PPM1E: variants seen among roughly 807,000 people sequenced by gnomAD.
PPM1E encodes the protein protein phosphatase, Mg2+/Mn2+ dependent 1E.
Under a neutral mutation model 65.9 loss-of-function variants are expected in PPM1E, and 20 were observed. The ratio of observed to expected loss-of-function variants is 0.30; its 90% CI spans 0.21 to 0.44. PPM1E has a LOEUF of 0.44. PPM1E is among the 20% of genes least tolerant of loss of function. The pLI, the probability that PPM1E is intolerant of heterozygous loss-of-function variation, is 1.00. For missense variants in PPM1E, 713 were observed against 953.1 expected, an observed-to-expected ratio of 0.75 and a Z score of 3.32; for synonymous variants, 352 against 374.9, an observed-to-expected ratio of 0.94 and a Z score of 0.70.
chr17:58,978,724 T>C (rs944782020), intron 6 of PPM1E, among the ~76,000 whole-genome samples: 1 of 152,100 alleles, frequency 6.6e-6, no homozygotes, highest in African/African-American at 2.4e-5. Flanking sequence ...AAAAGTGAAT[T>C]GAGAGTCCCT....
chr17:58,805,974 CAAAAA>C (rs1341289870), intron 1 of PPM1E, among the ~76,000 whole-genome samples: 2 of 74,022 alleles, frequency 2.7e-5, no homozygotes, highest in African/African-American at 1.2e-4. Flanking sequence ...AAAAAAAAAA[CAAAAA>C]AAAAACAAAA....
At chr17:58,758,896 C>G (rs2049795422) in intron 1 of PPM1E, among the ~76,000 whole-genome samples, 1 of 151,924 alleles carries the variant, frequency 6.6e-6, no homozygotes, top group Non-Finnish European at 1.5e-5. Context: ...ATGGCAAAAC[C>G]CCGTCTCTAC....
At chr17:58,876,879 T>C (rs1275334101) in intron 1 of PPM1E, among the ~76,000 whole-genome samples, 1 of 151,654 alleles carries the variant, frequency 6.6e-6, no homozygotes, top group Non-Finnish European at 1.5e-5. Flanking sequence ...CGCCTCCCGG[T>C]TTGGGGCCAT....
At chr17:58,790,730 G>A (rs946567617) in intron 1 of PPM1E, among the ~76,000 whole-genome samples, 1 of 152,064 alleles carries the variant, frequency 6.6e-6, no homozygotes, top group Non-Finnish European at 1.5e-5. Flanking sequence ...GAACTTCAAT[G>A]GCCAGAATCA....
intron 1 of PPM1E, among the ~76,000 whole-genome samples, chr17:58,854,520 C>A (rs2050861514): frequency 6.6e-6 from 1 of 152,142 alleles, no homozygotes; most frequent in Non-Finnish European, 1.5e-5. Flanking sequence ...GTCTTTTCAT[C>A]ATTGAATATA....
Position 58,891,832 on chromosome 17 carries a change from CT to C in PPM1E, c.465-63796del, listed in dbSNP as rs5821250. ...TTATGTTTTACATTTTTTTCTTTTT[CT>C]TTTTTTTTTTTTTTTTTTTTGAGAC... On this transcript the variant is annotated intron_variant, in intron 1 of 6. Transcript: ENST00000308249. 4.2e-3 allele frequency among the ~76,000 whole-genome samples: 359 copies of C among 85,456 alleles called. 1 individual carries two copies. Among genetic ancestry groups the C allele is most frequent in the African/African-American group, 0.015 (321 of 20,942 alleles). 56.1% of individuals were successfully genotyped at this position (85,456 alleles called of 152,430 possible). A position where few individuals can be genotyped will look rare whatever the true frequency, so the allele number is the denominator to read the frequency against.
chr17:58,767,417 G>A (rs921109684), intron 1 of PPM1E, among the ~76,000 whole-genome samples: 3 of 152,148 alleles, frequency 2.0e-5, no homozygotes, highest in African/African-American at 7.2e-5. Flanking sequence ...TGATTCTCAT[G>A]CTACATTACA....
At chr17:58,768,906 T>C (rs2144164693) in intron 1 of PPM1E, among the ~76,000 whole-genome samples, 1 of 152,298 alleles carries the variant, frequency 6.6e-6, no homozygotes, top group Non-Finnish European at 1.5e-5. Context: ...CGACCTCAGG[T>C]GTTCCACCTG....
intron 1 of PPM1E, among the ~76,000 whole-genome samples, chr17:58,923,299 A>AAAG (rs1001769629): frequency 1.3e-5 from 2 of 150,186 alleles, no homozygotes; most frequent in Non-Finnish European, 3.0e-5. Context: ...AAAAAAAAAA[A>AAAG]AAAGAAAGAA....
chr17:58,910,548 A>AT (rs1314716340), intron 1 of PPM1E, among the ~76,000 whole-genome samples: 2 of 151,870 alleles, frequency 1.3e-5, no homozygotes, highest in Non-Finnish European at 2.9e-5. Flanking sequence ...ATGTCTTGTA[A>AT]TTTTTTCTTA....
intron 1 of PPM1E, among the ~76,000 whole-genome samples, chr17:58,778,246 T>C (rs2050013064): frequency 6.6e-6 from 1 of 151,986 alleles, no homozygotes; most frequent in Non-Finnish European, 1.5e-5. Context: ...ATTACAGGCG[T>C]GTGCCACCAA....
At chr17:58,914,148 T>C (rs2051659281) in intron 1 of PPM1E, among the ~76,000 whole-genome samples, 1 of 152,176 alleles carries the variant, frequency 6.6e-6, no homozygotes, top group South Asian at 2.1e-4. Flanking sequence ...ACTGTTATAA[T>C]TTATGCAAAG....
intron 1 of PPM1E, among the ~76,000 whole-genome samples, chr17:58,833,388 C>A (rs1567847888): frequency 6.7e-6 from 1 of 150,128 alleles, no homozygotes; most frequent in Non-Finnish European, 1.5e-5. Context: ...CTCACCGCAC[C>A]CCCACAGAAG....
At chr17:58,869,039 G>A (rs1165147678) in intron 1 of PPM1E, among the ~76,000 whole-genome samples, 13 of 152,040 alleles carry the variant, frequency 8.6e-5, no homozygotes, top group Non-Finnish European at 1.6e-4. Flanking sequence ...GCATGGTGGC[G>A]TGTACCTGTA....
chr17:58,969,072 T>C (rs973422884), intron 3 of PPM1E, among the ~76,000 whole-genome samples: 3 of 152,242 alleles, frequency 2.0e-5, no homozygotes, highest in African/African-American at 7.2e-5. Flanking sequence ...TTAATTGGCC[T>C]TGTGTTGGAA....
intron 1 of PPM1E, among the ~76,000 whole-genome samples, chr17:58,895,424 C>CTAGG (rs2051400380): frequency 6.6e-6 from 1 of 152,152 alleles, no homozygotes; most frequent in African/African-American, 2.4e-5. Flanking sequence ...AGGCCAAATG[C>CTAGG]TAGGGCTCTT....
chr17:58,949,309 GC>G (rs1315585047), intron 1 of PPM1E, among the ~76,000 whole-genome samples: 1 of 151,994 alleles, frequency 6.6e-6, no homozygotes, highest in Admixed American at 6.6e-5. Context: ...TATAAATATA[GC>G]TTTTCCTGCT....
At chr17:58,804,504 C>T (rs1028847231) in intron 1 of PPM1E, among the ~76,000 whole-genome samples, 1 of 152,040 alleles carries the variant, frequency 6.6e-6, no homozygotes, top group Non-Finnish European at 1.5e-5. Context: ...TTTTGGAAGA[C>T]ATGGAGATAG....
At chr17:58,848,506 C>G (rs914935109) in intron 1 of PPM1E, among the ~76,000 whole-genome samples, 4 of 152,074 alleles carry the variant, frequency 2.6e-5, no homozygotes, top group Non-Finnish European at 5.9e-5. Flanking sequence ...TTGTTGAAGG[C>G]TTTTTCTGCA....
Sources: gnomAD v4.1 joint callset for allele counts (sites outside exome capture counted in the v4.1 genomes callset) on GRCh38, gnomAD v4.1.1 for gene constraint, MANE v1.5 for transcripts, NCBI Gene and HGNC (gene_info 2026-07-23, HGNC 2026-07-21) for gene names.